FGF12: variants seen among roughly 807,000 people sequenced by gnomAD.
FGF12 encodes fibroblast growth factor 12B.
FGF12 carries 14 observed loss-of-function variants against 23.6 expected under a neutral mutation model. The observed-to-expected ratio is 0.59, with a 90% CI of 0.39 to 0.93. The LOEUF (loss-of-function observed/expected upper bound fraction) is 0.93, where lower values mean the gene tolerates loss of function less well. Among genes scored for constraint, FGF12 ranks in the 40% least tolerant of loss-of-function variants. FGF12 has a pLI of 0.00. For missense variants in FGF12, 175 were observed against 217.8 expected (o/e 0.80, Z 1.24); for synonymous variants, 62 against 77.3 (o/e 0.80, Z 1.04).
chr3:192,267,438 G>A (rs1237435273), intron 4 of FGF12, among the ~76,000 whole-genome samples: 1 of 152,116 alleles, frequency 6.6e-6, no homozygotes, highest in Non-Finnish European at 1.5e-5. Context: ...CATTTCCAAT[G>A]AGAGTTTAAT....
At chr3:192,345,272 A>C (rs1222611822) in intron 3 of FGF12, among the ~76,000 whole-genome samples, 1 of 152,238 alleles carries the variant, frequency 6.6e-6, no homozygotes, top group Admixed American at 6.5e-5. Context: ...CCATCTTTAC[A>C]GACCAGGAAA....
intron 2 of FGF12, among the ~76,000 whole-genome samples, chr3:192,609,312 A>G (rs538712799): frequency 3.3e-5 from 5 of 152,200 alleles, no homozygotes; most frequent in Admixed American, 6.5e-5. Context: ...CGGGGGGTGA[A>G]GCGTGTGAAA....
intron 5 of FGF12, among the ~76,000 whole-genome samples, chr3:192,163,708 G>A (rs75842846): frequency 0.066 from 10,041 of 152,072 alleles, 401 homozygotes; most frequent in African/African-American, 0.096. Flanking sequence ...GATGGTTCTG[G>A]TACTGATGTT....
At chr3:192,172,152 G>A (rs1196278520) in intron 4 of FGF12, among the ~76,000 whole-genome samples, 1 of 151,500 alleles carries the variant, frequency 6.6e-6, no homozygotes, top group East Asian at 1.9e-4. Context: ...ACTTCGGGAG[G>A]TTGAGGTAAG....
At chr3:192,288,910 G>A (rs1192419966) in intron 4 of FGF12, among the ~76,000 whole-genome samples, 1 of 151,988 alleles carries the variant, frequency 6.6e-6, no homozygotes, top group Non-Finnish European at 1.5e-5. Flanking sequence ...TGTGCACCAT[G>A]CCTTTTATGC....
At chr3:192,521,349 C>A (rs1323841504) in intron 2 of FGF12, 1 of 152,148 alleles carries the variant, frequency 6.6e-6, no homozygotes, top group Non-Finnish European at 1.5e-5. Context: ...AGCACTGTAA[C>A]AAGTTGTCTT....
At chr3:192,512,673 G>A (rs890280065) in intron 2 of FGF12, among the ~76,000 whole-genome samples, 4 of 151,008 alleles carry the variant, frequency 2.6e-5, no homozygotes, top group South Asian at 2.1e-4. Flanking sequence ...ATACAAAACC[G>A]TATATTACCT....
intron 2 of FGF12, among the ~76,000 whole-genome samples, chr3:192,480,760 C>T (rs1560124288): frequency 1.3e-5 from 2 of 152,152 alleles, no homozygotes; most frequent in Non-Finnish European, 2.9e-5. Flanking sequence ...CAGTCTTATT[C>T]CATACATGAT....
intron 2 of FGF12, among the ~76,000 whole-genome samples, chr3:192,386,229 A>G (rs1560094954): frequency 6.6e-6 from 1 of 152,176 alleles, no homozygotes; most frequent in Admixed American, 6.5e-5. Context: ...CTAGTTTTTC[A>G]TGGTCTTGAA....
chr3:192,545,641 A>T (rs973651864), intron 2 of FGF12, among the ~76,000 whole-genome samples: 1 of 152,234 alleles, frequency 6.6e-6, no homozygotes, highest in Non-Finnish European at 1.5e-5. Context: ...CCAGAAGAAA[A>T]CAAAATTGTC....
intron 2 of FGF12, among the ~76,000 whole-genome samples, chr3:192,441,522 C>A (rs975236149): frequency 1.3e-5 from 2 of 152,080 alleles, no homozygotes; most frequent in Non-Finnish European, 2.9e-5. Context: ...ACAGCCTAGA[C>A]CCAGGGAGCC....
intron 2 of FGF12, among the ~76,000 whole-genome samples, chr3:192,403,408 T>C (rs146919287): frequency 6.6e-6 from 1 of 152,340 alleles, no homozygotes; most frequent in East Asian, 1.9e-4. Flanking sequence ...CAATAACTGC[T>C]ATTTTAAAAT....
At chr3:192,553,976 A>G (rs74556790) in intron 2 of FGF12, among the ~76,000 whole-genome samples, 2,231 of 152,300 alleles carry the variant, frequency 0.015, 21 homozygotes, top group Middle Eastern at 0.051. Flanking sequence ...TAGGGAGAAA[A>G]AGAAGCCTCA....
chr3:192,584,442 C>T (rs775410630), intron 2 of FGF12, among the ~76,000 whole-genome samples: 3 of 151,990 alleles, frequency 2.0e-5, no homozygotes, highest in African/African-American at 7.3e-5. Flanking sequence ...CAGAGATACA[C>T]TGAGGCCTTA....
At chr3:192,181,884 A>G (rs1716199579) in intron 4 of FGF12, among the ~76,000 whole-genome samples, 1 of 151,806 alleles carries the variant, frequency 6.6e-6, no homozygotes, top group Admixed American at 6.6e-5. Flanking sequence ...TGCTGGGATT[A>G]CAGACATGGG....
chr3:192,630,421 C>T (rs909002812), intron 2 of FGF12, among the ~76,000 whole-genome samples: 8 of 151,422 alleles, frequency 5.3e-5, no homozygotes, highest in East Asian at 1.9e-4. Context: ...TTTATAGATA[C>T]GGAAATCAGG....
intron 2 of FGF12, among the ~76,000 whole-genome samples, chr3:192,506,714 C>G (rs1469839944): frequency 6.6e-6 from 1 of 151,778 alleles, no homozygotes; most frequent in Non-Finnish European, 1.5e-5. Context: ...TAACTTAACC[C>G]TTGCCTGGGA....
At chr3:192,584,511 A>C (rs1043868348) in intron 2 of FGF12, among the ~76,000 whole-genome samples, 5 of 152,092 alleles carry the variant, frequency 3.3e-5, no homozygotes, top group Non-Finnish European at 7.3e-5. Context: ...TGAGGTTCTC[A>C]ATGTGCTGCC....
chr3:192,562,827 T>C (rs1299848829), intron 2 of FGF12, among the ~76,000 whole-genome samples: 1 of 151,968 alleles, frequency 6.6e-6, no homozygotes, highest in African/African-American at 2.4e-5. Flanking sequence ...AGAGAAGCTA[T>C]GTTTCATCCA....
Sources: allele counts gnomAD v4.1 joint callset (sites outside exome capture counted in the v4.1 genomes callset), GRCh38; gene constraint gnomAD v4.1.1; transcripts MANE v1.5; gene names NCBI Gene and HGNC (gene_info 2026-07-23, HGNC 2026-07-21).